The following LMX1A variants were observed in gnomAD, a reference collection of about 807,000 sequenced individuals.
LMX1A encodes the protein LIM homeobox transcription factor 1 alpha.
In LMX1A, 15 loss-of-function variants were observed where a neutral mutation model predicts 49.1. That is an observed-to-expected ratio of 0.31 (90% confidence interval 0.20 to 0.47). The LOEUF is 0.47. Among genes scored for constraint, LMX1A ranks in the 20% least tolerant of loss-of-function variants. The probability of loss-of-function intolerance (pLI) is 1.00; values close to 1 mark genes in which losing one functional copy is unlikely to be tolerated. For missense variants in LMX1A, 372 were observed against 475.8 expected (o/e 0.78, Z 2.03); for synonymous variants, 167 against 185.7 (o/e 0.90, Z 0.82).
At chr1:165,329,051 A>T (rs1042686742) in intron 3 of LMX1A, among the ~76,000 whole-genome samples, 12 of 152,222 alleles carry the variant, frequency 7.9e-5, no homozygotes, top group Non-Finnish European at 8.8e-5. Context: ...AATTTATTTT[A>T]AAAAAGAGGT....
intron 3 of LMX1A, among the ~76,000 whole-genome samples, chr1:165,320,547 G>A (rs963194786): frequency 2.6e-5 from 4 of 152,178 alleles, no homozygotes; most frequent in Admixed American, 6.5e-5. Flanking sequence ...GTCTTCTCAA[G>A]GGCAGAGCAC....
intron 3 of LMX1A, among the ~76,000 whole-genome samples, chr1:165,330,089 C>A (rs1427769143): frequency 6.6e-6 from 1 of 152,154 alleles, no homozygotes; most frequent in East Asian, 1.9e-4. Context: ...ATCTTCCCAG[C>A]AATATCGTAA....
At position 165,266,398 on chromosome 1, in the gene LMX1A, TGG is replaced by T. The variant is rs1653617020; in HGVS notation, c.264-16760_264-16759del. On this transcript the variant is annotated intron_variant, in intron 3 of 8. Coordinates refer to ENST00000342310, the MANE Select transcript of LMX1A (RefSeq NM_177398.4). ...TTTGGACAAATAGTAGAGTCCAGTG[TGG>T]CTGGGGCAAAGATGGGGCAAAAGAA... Among the ~76,000 whole-genome samples, 3 of 152,044 alleles carry T rather than the reference TGG, an allele frequency of 2.0e-5. No individual in the cohort carries two copies. In the South Asian group the frequency reaches 6.2e-4, roughly 32 times the overall value.
At chr1:165,344,812 A>G (rs1040320080) in intron 3 of LMX1A, among the ~76,000 whole-genome samples, 11 of 152,182 alleles carry the variant, frequency 7.2e-5, no homozygotes, top group Non-Finnish European at 1.5e-5. Flanking sequence ...AAACTGCAAA[A>G]CTGCAAAAAC....
At chr1:165,215,763 A>G (rs1651620512) in intron 4 of LMX1A, among the ~76,000 whole-genome samples, 1 of 152,220 alleles carries the variant, frequency 6.6e-6, no homozygotes, top group African/African-American at 2.4e-5. Context: ...TATAAATGAA[A>G]AGGGACTGAT....
chr1:165,256,709 TTTTATATTTCAAGCTTTTA>T (rs1481230149), intron 3 of LMX1A, among the ~76,000 whole-genome samples: 1 of 152,134 alleles, frequency 6.6e-6, no homozygotes, highest in Admixed American at 6.5e-5. Flanking sequence ...TTACTCCCAT[TTTTATATTTCAAGCTTTTA>T]TTACAGGAGT....
intron 8 of LMX1A, among the ~76,000 whole-genome samples, chr1:165,205,153 A>T (rs921747775): frequency 2.6e-5 from 4 of 152,218 alleles, no homozygotes; most frequent in Admixed American, 6.5e-5. Flanking sequence ...CCAATGCATT[A>T]CATACAACAC....
chr1:165,246,960 A>G (rs1652870450), intron 4 of LMX1A, among the ~76,000 whole-genome samples: 1 of 127,356 alleles, frequency 7.9e-6, no homozygotes, highest in African/African-American at 3.0e-5. Flanking sequence ...ATTGCTGAAA[A>G]TGTGATCAGA....
intron 3 of LMX1A, among the ~76,000 whole-genome samples, chr1:165,263,263 C>T (rs1030876264): frequency 1.3e-5 from 2 of 152,208 alleles, no homozygotes; most frequent in African/African-American, 2.4e-5. Context: ...TACTCAACAT[C>T]TTCACTTGGA....
intron 4 of LMX1A, among the ~76,000 whole-genome samples, chr1:165,214,491 G>A (rs1221699208): frequency 6.6e-6 from 1 of 152,198 alleles, no homozygotes; most frequent in Non-Finnish European, 1.5e-5. Context: ...GCAAAATAGT[G>A]ATATATGAGA....
At chr1:165,341,749 C>T (rs1021384289) in intron 3 of LMX1A, among the ~76,000 whole-genome samples, 1 of 152,080 alleles carries the variant, frequency 6.6e-6, no homozygotes, top group Non-Finnish European at 1.5e-5. Context: ...AAAGCATCTG[C>T]TTAATTTACA....
intron 4 of LMX1A, among the ~76,000 whole-genome samples, chr1:165,238,163 A>C (rs1652521654): frequency 6.6e-6 from 1 of 152,248 alleles, no homozygotes. Context: ...TTCTCTGAAG[A>C]GTACAATTGT....
chr1:165,252,250 T>A (rs1553608), intron 3 of LMX1A, among the ~76,000 whole-genome samples: 37,767 of 152,132 alleles, frequency 0.25, 5,359 homozygotes, highest in East Asian at 0.56. Flanking sequence ...GTTCACCCTC[T>A]TTCTGAAATA....
intron 3 of LMX1A, among the ~76,000 whole-genome samples, chr1:165,351,190 T>C (rs1274475161): frequency 3.3e-5 from 5 of 152,010 alleles, no homozygotes; most frequent in African/African-American, 9.7e-5. Flanking sequence ...ACAAACAGAA[T>C]AGAAATTCAC....
At chr1:165,227,691 C>T (rs1652085104) in intron 4 of LMX1A, among the ~76,000 whole-genome samples, 2 of 152,146 alleles carry the variant, frequency 1.3e-5, no homozygotes, top group African/African-American at 2.4e-5. Flanking sequence ...CCCCAAATTT[C>T]AGCTTCCTGT....
chr1:165,350,100 T>A (rs985425652), intron 3 of LMX1A, among the ~76,000 whole-genome samples: 9 of 149,196 alleles, frequency 6.0e-5, no homozygotes, highest in African/African-American at 2.2e-4. Context: ...ATCAACATTG[T>A]CCTACCACTT....
At chr1:165,331,958 G>A (rs1233720468) in intron 3 of LMX1A, among the ~76,000 whole-genome samples, 2 of 152,028 alleles carry the variant, frequency 1.3e-5, no homozygotes, top group Non-Finnish European at 2.9e-5. Flanking sequence ...AAAGAACACA[G>A]AGGGGAAAAG....
chr1:165,311,604 A>G (rs1655078220), intron 3 of LMX1A, among the ~76,000 whole-genome samples: 1 of 152,242 alleles, frequency 6.6e-6, no homozygotes, highest in African/African-American at 2.4e-5. Flanking sequence ...CCAAACTTTG[A>G]AGACCAACAG....
intron 3 of LMX1A, among the ~76,000 whole-genome samples, chr1:165,302,580 G>A (rs752176026): frequency 1.3e-5 from 2 of 152,168 alleles, no homozygotes; most frequent in Non-Finnish European, 2.9e-5. Context: ...CCTTTGCAAT[G>A]ACGATCCATG....
Sources: allele counts gnomAD v4.1 joint callset (sites outside exome capture counted in the v4.1 genomes callset), GRCh38; gene constraint gnomAD v4.1.1; transcripts MANE v1.5; gene names NCBI Gene and HGNC (gene_info 2026-07-23, HGNC 2026-07-21).